Variants in TFB2M observed in about 807,000 individuals in gnomAD.
TFB2M encodes the protein dimethyladenosine transferase 2, mitochondrial.
A neutral mutation model predicts 41.3 loss-of-function variants in TFB2M; 44 were observed. That is an observed-to-expected ratio of 1.07 (90% confidence interval 0.84 to 1.37). The LOEUF (loss-of-function observed/expected upper bound fraction) is 1.37, where lower values mean the gene tolerates loss of function less well. TFB2M is among the 40% of genes most tolerant of loss of function. The probability of loss-of-function intolerance (pLI) is 0.00; values close to 1 mark genes in which losing one functional copy is unlikely to be tolerated. For missense variants in TFB2M, 496 were observed against 490.2 expected (o/e 1.01, Z -0.11); for synonymous variants, 188 against 176.8 (o/e 1.06, Z -0.50).
At chr1:246,545,992 A>G (rs1659007950) in intron 6 of TFB2M, among the ~76,000 whole-genome samples, 1 of 152,054 alleles carries the variant, frequency 6.6e-6, no homozygotes, top group African/African-American at 2.4e-5. Context: ...GAGAAACAGT[A>G]ACATTTATTA....
intron 3 of TFB2M, among the ~76,000 whole-genome samples, 188 bp downstream of exon 3, chr1:246,557,193 T>C (rs746923533): frequency 1.3e-5 from 2 of 152,092 alleles, no homozygotes; most frequent in Admixed American, 6.6e-5. Flanking sequence ...GAGAATCACA[T>C]GAACCTGGAG....
intron 4 of TFB2M, 59 bp downstream of exon 4, chr1:246,556,514 A>C: frequency 7.9e-7 from 1 of 1,263,310 alleles, no homozygotes; most frequent in Non-Finnish European, 1.1e-6. Context: ...ACAGATTAAG[A>C]GTACTCAGAG....
chr1:246,544,232 G>A (rs1658937885), intron 7 of TFB2M, among the ~76,000 whole-genome samples: 2 of 152,184 alleles, frequency 1.3e-5, no homozygotes, highest in Non-Finnish European at 2.9e-5. Context: ...ACTAGTGGTA[G>A]GCAGCTAGTG....
At chr1:246,561,533 T>C (rs1235429575) in intron 2 of TFB2M, among the ~76,000 whole-genome samples, 1 of 152,176 alleles carries the variant, frequency 6.6e-6, no homozygotes, top group Admixed American at 6.5e-5. Context: ...AATGGCACGA[T>C]CTCGGCTCAC....
At chr1:246,549,792 T>C (rs1659122507) in intron 5 of TFB2M, among the ~76,000 whole-genome samples, 1 of 152,156 alleles carries the variant, frequency 6.6e-6, no homozygotes. Flanking sequence ...GGCTAAAACA[T>C]ATAATTGTGG....
chr1:246,558,533 C>A (rs1292357869), intron 2 of TFB2M, among the ~76,000 whole-genome samples: 5 of 152,168 alleles, frequency 3.3e-5, no homozygotes, highest in Non-Finnish European at 5.9e-5. Flanking sequence ...TTACCTGAAG[C>A]ACTGGGCAAA....
At chr1:246,542,315 G>A (rs1406254991) in intron 7 of TFB2M, among the ~76,000 whole-genome samples, 1 of 151,180 alleles carries the variant, frequency 6.6e-6, no homozygotes, top group East Asian at 1.9e-4. Context: ...ATAATATGAG[G>A]TACATAACTG....
At chr1:246,548,379 C>A (rs995522536) in intron 6 of TFB2M, among the ~76,000 whole-genome samples, 166 bp downstream of exon 6, 12 of 151,770 alleles carry the variant, frequency 7.9e-5, no homozygotes, top group African/African-American at 2.9e-4. Flanking sequence ...GATAACTCTT[C>A]CAAAATACTT....
chr1:246,552,178 G>A (rs1355450869), intron 4 of TFB2M, among the ~76,000 whole-genome samples: 2 of 152,128 alleles, frequency 1.3e-5, no homozygotes, highest in African/African-American at 2.4e-5. Flanking sequence ...GAAAGGCTGA[G>A]GCAAGGGGAC....
chr1:246,540,902 T>C lies in TFB2M; in HGVS notation c.*129A>G, dbSNP rs1658834208. On this transcript the variant is annotated 3_prime_UTR_variant, in exon 8 of 8. Coordinates refer to ENST00000366514, the MANE Select transcript of TFB2M (RefSeq NM_022366.3). ...GCCAATGATATCAGCTTAGGAGAAA[T>C]GATCTGCCTGGCTTGTGCAAGACAA... 1 of 796,292 alleles carries C rather than the reference T, an allele frequency of 1.3e-6. No homozygotes were observed. The highest frequency in any genetic ancestry group is 1.8e-5 in the African/African-American group (1 of 56,758). The allele number at this position is 796,292 out of a possible 1,614,324, so 49.3% of individuals were successfully genotyped here. A position where few individuals can be genotyped will look rare whatever the true frequency, so the allele number is the denominator to read the frequency against.
At chr1:246,548,304 T>A (rs112108935) in intron 6 of TFB2M, among the ~76,000 whole-genome samples, 2 of 152,206 alleles carry the variant, frequency 1.3e-5, no homozygotes, top group African/African-American at 2.4e-5. Context: ...TCAAAAGATA[T>A]AAGAAGAGAA....
At chr1:246,550,837 C>G (rs187714719) in intron 5 of TFB2M, among the ~76,000 whole-genome samples, 18 of 152,248 alleles carry the variant, frequency 1.2e-4, no homozygotes, top group East Asian at 1.2e-3. Flanking sequence ...GAGCCGAGAT[C>G]GAACCACTGC....
chr1:246,555,420 G>A (rs1389085566), intron 4 of TFB2M, among the ~76,000 whole-genome samples: 1 of 151,906 alleles, frequency 6.6e-6, no homozygotes, highest in Non-Finnish European at 1.5e-5. Flanking sequence ...AGACCCTATC[G>A]CTACAAAAAG....
At chr1:246,550,087 G>A (rs1472373403) in intron 5 of TFB2M, among the ~76,000 whole-genome samples, 3 of 152,186 alleles carry the variant, frequency 2.0e-5, no homozygotes, top group African/African-American at 7.2e-5. Context: ...AACCTAACAC[G>A]GGACCTTTGA....
At chr1:246,548,117 T>C (rs1271153862) in intron 6 of TFB2M, among the ~76,000 whole-genome samples, 1 of 152,176 alleles carries the variant, frequency 6.6e-6, no homozygotes, top group Non-Finnish European at 1.5e-5. Context: ...CAGCTAAGTT[T>C]TGTATTTTTA....
intron 4 of TFB2M, 66 bp downstream of exon 4, chr1:246,556,507 G>T: frequency 1.6e-6 from 2 of 1,232,856 alleles, no homozygotes; most frequent in Non-Finnish European, 2.2e-6. Flanking sequence ...AAATCGCACA[G>T]ATTAAGAGTA....
intron 6 of TFB2M, 85 bp from the exon 7 acceptor site, chr1:246,544,766 C>T: frequency 7.5e-6 from 9 of 1,199,356 alleles, no homozygotes; most frequent in Admixed American, 2.6e-5. Flanking sequence ...AAGCTATCTG[C>T]TGAAAGACAC....
At chr1:246,542,592 G>A (rs1417537829) in intron 7 of TFB2M, among the ~76,000 whole-genome samples, 1 of 152,124 alleles carries the variant, frequency 6.6e-6, no homozygotes, top group Non-Finnish European at 1.5e-5. Flanking sequence ...AGGATCACTT[G>A]AGCAAGGGGT....
At chr1:246,545,559 G>C (rs532909031) in intron 6 of TFB2M, among the ~76,000 whole-genome samples, 8 of 151,716 alleles carry the variant, frequency 5.3e-5, no homozygotes, top group African/African-American at 1.7e-4. Context: ...CTATGAAGGA[G>C]GAGGATTCAT....
Sources: gnomAD v4.1 joint callset for allele counts (sites outside exome capture counted in the v4.1 genomes callset) on GRCh38, gnomAD v4.1.1 for gene constraint, MANE v1.5 for transcripts, NCBI Gene and HGNC (gene_info 2026-07-23, HGNC 2026-07-21) for gene names.